The following NFIB variants were observed in gnomAD, a reference collection of about 807,000 sequenced individuals.
NFIB encodes the protein nuclear factor I B.
Under a neutral mutation model 61.5 loss-of-function variants are expected in NFIB, and 11 were observed. The ratio of observed to expected loss-of-function variants is 0.18; its 90% CI spans 0.11 to 0.30. The LOEUF (loss-of-function observed/expected upper bound fraction) is 0.30, where lower values mean the gene tolerates loss of function less well. Ranked by LOEUF, NFIB falls within the 10% of genes least tolerant of loss-of-function variation. The probability of loss-of-function intolerance (pLI) is 1.00; values close to 1 mark genes in which losing one functional copy is unlikely to be tolerated. For synonymous variants in NFIB, 260 were observed against 216.5 expected (o/e 1.20, Z -1.76); for missense variants, 471 against 608.9 (o/e 0.77, Z 2.38).
At chr9:14,282,266 T>C (rs899591539) in intron 2 of NFIB, among the ~76,000 whole-genome samples, 1 of 152,200 alleles carries the variant, frequency 6.6e-6, no homozygotes, top group Admixed American at 6.5e-5. Context: ...TCATTTCTTT[T>C]TGTAAAAGTC....
the NFIB span, among the ~76,000 whole-genome samples, chr9:14,518,881 G>C: frequency 6.6e-6 from 1 of 152,076 alleles, no homozygotes; most frequent in Non-Finnish European, 1.5e-5. Flanking sequence ...TGGAGTCTAT[G>C]CTCAGCCACT....
chr9:14,390,379 G>C (rs1036691666), intron 1 of NFIB, among the ~76,000 whole-genome samples: 6 of 152,144 alleles, frequency 3.9e-5, no homozygotes, highest in African/African-American at 1.4e-4. Flanking sequence ...GAATGTACAA[G>C]AGAAGCCTGA....
the NFIB span, among the ~76,000 whole-genome samples, chr9:14,513,538 G>C: frequency 6.7e-6 from 1 of 150,168 alleles, no homozygotes; most frequent in Non-Finnish European, 1.5e-5. Context: ...TGAGGCCAGA[G>C]AATTGCTTGA....
At chr9:14,272,018 T>C (rs1039122421) in intron 2 of NFIB, among the ~76,000 whole-genome samples, 1 of 152,184 alleles carries the variant, frequency 6.6e-6, no homozygotes, top group Non-Finnish European at 1.5e-5. Context: ...TGCATAAGAC[T>C]AGTATTTTTA....
the NFIB span, among the ~76,000 whole-genome samples, chr9:14,488,295 A>T: frequency 6.6e-6 from 1 of 151,900 alleles, no homozygotes; most frequent in Admixed American, 6.6e-5. Context: ...CCCAGGAGGT[A>T]AAGGCTTCGG....
intron 2 of NFIB, among the ~76,000 whole-genome samples, chr9:14,197,024 G>T (rs1232186305): frequency 6.6e-6 from 1 of 152,126 alleles, no homozygotes; most frequent in African/African-American, 2.4e-5. Flanking sequence ...TGACAATAAG[G>T]CTCTTTCTTA....
intron 1 of NFIB, among the ~76,000 whole-genome samples, chr9:14,385,394 T>C (rs2061537905): frequency 6.6e-6 from 1 of 152,206 alleles, no homozygotes; most frequent in Non-Finnish European, 1.5e-5. Flanking sequence ...TTATAGATGA[T>C]ACAGCCATCA....
rs1479025715 is a variant in NFIB, at chr9:14,395,322, C to A, written c.108+3202G>T. ...TCGGGACAGCCAAAAAAAAAAAAAA[C>A]CTAAAAAAAAAAAATCAAGAGATGC... is the stretch of plus-strand genomic sequence containing the variant. On this transcript the variant is annotated intron_variant, in intron 1 of 8. Transcript: ENST00000380934. Among the ~76,000 whole-genome samples the A allele has an allele frequency of 2.5e-4, 37 of 146,242 alleles. No individual in the cohort carries two copies. The South Asian group carries it at 7.3e-3, about 29-fold the overall frequency.
intron 2 of NFIB, among the ~76,000 whole-genome samples, chr9:14,250,024 C>T (rs2055406919): frequency 6.6e-6 from 1 of 152,196 alleles, no homozygotes; most frequent in Admixed American, 6.5e-5. Context: ...TTGTTCAAAA[C>T]CCCTCGAGTC....
chr9:14,423,613 T>G, the NFIB span, among the ~76,000 whole-genome samples: 5 of 152,310 alleles, frequency 3.3e-5, no homozygotes, highest in Middle Eastern at 3.4e-3. Context: ...CATCCATCAT[T>G]GTCCTCCCTA....
At chr9:14,451,151 T>C in the NFIB span, among the ~76,000 whole-genome samples, 1 of 152,208 alleles carries the variant, frequency 6.6e-6, no homozygotes, top group East Asian at 1.9e-4. Context: ...TGACATCAGC[T>C]CCTACCCTCC....
At chr9:14,487,757 CATT>C in the NFIB span, among the ~76,000 whole-genome samples, 3 of 152,330 alleles carry the variant, frequency 2.0e-5, no homozygotes, top group South Asian at 6.2e-4. Context: ...CCAAGCTAAT[CATT>C]AGTTCTTGCA....
At chr9:14,319,109 G>C (rs1277072992), upstream of NFIB, among the ~76,000 whole-genome samples, 2 of 151,632 alleles carry the variant, frequency 1.3e-5, no homozygotes, top group South Asian at 4.2e-4. Context: ...GAGCTATTTG[G>C]TGTCCCCTGA....
chr9:14,125,751 G>C lies in NFIB; in HGVS notation c.941C>G (p.Thr314Ser). ...HERDQDMSSP[T>S]TMKKPEKPLF... is the part of the protein sequence containing the mutation. ...TGGCTTTTCAGGCTTCTTCATAGTA[G>C]TCGGAGAAGACATATCTGCGAGAAA... Residue 314 changes from threonine to serine, a missense_variant, in exon 7 of 11, where the codon ACT becomes AGT. Thr to Ser is a moderately conservative substitution (Grantham distance 58). Around this residue, in one of 2 missense-constraint regions of NFIB, gnomAD observed 372 missense variants for 395.6 expected, o/e 0.94. Transcript: ENST00000380953. 2 of 1,614,086 alleles carry C rather than the reference G, an allele frequency of 1.2e-6. No individual in the cohort carries two copies. Among genetic ancestry groups the C allele is most frequent in the South Asian group, 1.1e-5 (1 of 91,074 alleles).
At chr9:14,402,141 C>G (rs1028534225), upstream of NFIB, among the ~76,000 whole-genome samples, 1 of 152,176 alleles carries the variant, frequency 6.6e-6, no homozygotes, top group Non-Finnish European at 1.5e-5. Flanking sequence ...AAGAGACATA[C>G]TGATCACACA....
the NFIB span, among the ~76,000 whole-genome samples, chr9:14,438,067 T>C: frequency 1.3e-5 from 2 of 148,770 alleles, no homozygotes; most frequent in Non-Finnish European, 3.0e-5. Flanking sequence ...TGTGTGTGTG[T>C]GTGAGATGGA....
At chr9:14,315,152 G>C (rs1053901766), upstream of NFIB, among the ~76,000 whole-genome samples, 1 of 151,888 alleles carries the variant, frequency 6.6e-6, no homozygotes, top group African/African-American at 2.4e-5. Context: ...GTGGACCAGG[G>C]GGGTGCGGCG....
chr9:14,497,897 A>C, the NFIB span, among the ~76,000 whole-genome samples: 1 of 152,210 alleles, frequency 6.6e-6, no homozygotes, highest in Non-Finnish European at 1.5e-5. Context: ...CCTCAAGATG[A>C]AGTAACATGC....
chr9:14,463,724 A>G, the NFIB span, among the ~76,000 whole-genome samples: 2 of 126,606 alleles, frequency 1.6e-5, no homozygotes, highest in Non-Finnish European at 3.1e-5. Context: ...GCAGTGGCGC[A>G]ATCTCGGCTC....
Sources: allele counts gnomAD v4.1 joint callset (sites outside exome capture counted in the v4.1 genomes callset), GRCh38; gene constraint gnomAD v4.1.1; regional missense constraint gnomAD v4.1.1; transcripts MANE v1.5; gene names NCBI Gene and HGNC (gene_info 2026-07-23, HGNC 2026-07-21).